Variants in TDRD1 observed in about 807,000 individuals in gnomAD.
The protein encoded by TDRD1 is tudor domain-containing protein 1.
Under a neutral mutation model 140.6 loss-of-function variants are expected in TDRD1, and 37 were observed. The ratio of observed to expected loss-of-function variants is 0.26; its 90% CI spans 0.20 to 0.35. TDRD1 has a LOEUF of 0.35. Among genes scored for constraint, TDRD1 ranks in the 10% least tolerant of loss-of-function variants. TDRD1 has a pLI of 1.00. For missense variants in TDRD1, 1,243 were observed against 1,393.0 expected (o/e 0.89, Z 1.71); for synonymous variants, 506 against 475.7 (o/e 1.06, Z -0.83).
chr10:114,177,094 A>G (rs2032708880), upstream of TDRD1, among the ~76,000 whole-genome samples: 1 of 152,216 alleles, frequency 6.6e-6, no homozygotes, highest in African/African-American at 2.4e-5. Context: ...AATAAGAAAA[A>G]AAAAGTATAA....
intron 10 of TDRD1, among the ~76,000 whole-genome samples, chr10:114,205,757 G>A (rs2035058945): frequency 6.6e-6 from 1 of 152,072 alleles, no homozygotes; most frequent in South Asian, 2.1e-4. Context: ...TGGTTAATGG[G>A]TACAAAACAA....
At chr10:114,189,786 T>C (rs2033823961) in intron 2 of TDRD1, among the ~76,000 whole-genome samples, 1 of 152,196 alleles carries the variant, frequency 6.6e-6, no homozygotes, top group Non-Finnish European at 1.5e-5. Flanking sequence ...TATTGCATAA[T>C]GAAATGTGTC....
intron 3 of TDRD1, among the ~76,000 whole-genome samples, chr10:114,193,703 C>G (rs1234819480): frequency 2.6e-5 from 4 of 152,118 alleles, no homozygotes; most frequent in Non-Finnish European, 5.9e-5. Context: ...CCTTTGATTT[C>G]CTTTCTTGCT....
At chr10:114,220,786 C>G (rs776472520) in exon 19 of TDRD1, 1 of 1,611,490 alleles carries the variant, frequency 6.2e-7, no homozygotes, top group Non-Finnish European at 8.5e-7. Flanking sequence ...TAAAGACTTA[C>G]CAAATGACAG....
intron 11 of TDRD1, among the ~76,000 whole-genome samples, chr10:114,208,098 G>A (rs2035245948): frequency 6.6e-6 from 1 of 152,104 alleles, no homozygotes; most frequent in Admixed American, 6.6e-5. Flanking sequence ...TAGAGATAGG[G>A]AAAAAGCATG....
At chr10:114,198,086 G>A (rs536475143) in intron 3 of TDRD1, among the ~76,000 whole-genome samples, 1 of 152,146 alleles carries the variant, frequency 6.6e-6, no homozygotes, top group East Asian at 1.9e-4. Context: ...CAACTCGGGG[G>A]CTCTTTCTGT....
At chr10:114,175,146 T>G (rs1175939340), upstream of TDRD1, among the ~76,000 whole-genome samples, 1 of 152,140 alleles carries the variant, frequency 6.6e-6, no homozygotes. Context: ...TGAAGCACAT[T>G]TTGCAGTTAA....
At chr10:114,206,863 G>A (rs1361314589) in intron 11 of TDRD1, among the ~76,000 whole-genome samples, 4 of 152,076 alleles carry the variant, frequency 2.6e-5, no homozygotes, top group Admixed American at 6.5e-5. Context: ...TGATTCGCCC[G>A]CCTCAGCCTC....
At chr10:114,189,623 ACT>A (rs1221279906) in intron 2 of TDRD1, among the ~76,000 whole-genome samples, 2 of 152,096 alleles carry the variant, frequency 1.3e-5, no homozygotes, top group African/African-American at 2.4e-5. Context: ...AGACAGTCTC[ACT>A]CTGTCACCCA....
intron 25 of TDRD1, among the ~76,000 whole-genome samples, chr10:114,229,610 G>T (rs1383507502): frequency 1.3e-4 from 19 of 145,278 alleles, no homozygotes; most frequent in Admixed American, 2.8e-4. Flanking sequence ...GTGCAATGGC[G>T]TGATCTCGGC....
intron 20 of TDRD1, 107 bp downstream of exon 20, chr10:114,221,583 GTTTT>G: frequency 9.0e-7 from 1 of 1,113,702 alleles, no homozygotes; most frequent in Non-Finnish European, 1.3e-6. Context: ...GAGGCTCACT[GTTTT>G]AAGGAAGAAC....
chr10:114,195,035 C>T (rs962676430), intron 3 of TDRD1, among the ~76,000 whole-genome samples: 4 of 151,578 alleles, frequency 2.6e-5, no homozygotes, highest in African/African-American at 9.7e-5. Flanking sequence ...GCTGGGATTA[C>T]AGGCATGAGT....
chr10:114,186,093 G>A (rs1432810219), intron 1 of TDRD1, among the ~76,000 whole-genome samples: 1 of 151,910 alleles, frequency 6.6e-6, no homozygotes, highest in Admixed American at 6.6e-5. Context: ...GATGTTTTCT[G>A]TACTTGAATT....
chr10:114,200,698 AT>A lies in TDRD1; in HGVS notation c.530-707del, dbSNP rs2034674080. 2.6e-5 allele frequency among the ~76,000 whole-genome samples: 4 copies of A among 151,684 alleles called. No individual in the cohort carries two copies. The South Asian group carries it at 8.3e-4, about 32-fold the overall frequency. On this transcript the variant is annotated intron_variant, in intron 4 of 25. Coordinates refer to ENST00000251864, the Ensembl canonical transcript of TDRD1. ...ACCACCACACTGGGCTTATTTTTGT[AT>A]TTTTGTAGAGACGGGGTTTCACCAT...
intron 1 of TDRD1, among the ~76,000 whole-genome samples, chr10:114,183,214 T>C (rs1242238687): frequency 6.6e-6 from 1 of 152,208 alleles, no homozygotes; most frequent in Non-Finnish European, 1.5e-5. Flanking sequence ...AGGACAGTGT[T>C]ATGAAAGACT....
intron 11 of TDRD1, among the ~76,000 whole-genome samples, chr10:114,206,611 GTTT>G (rs33936742): frequency 4.7e-5 from 5 of 105,984 alleles, no homozygotes; most frequent in African/African-American, 7.1e-5. Flanking sequence ...GTTAGGGTTT[GTTT>G]TTTTTTTTTT....
At chr10:114,213,442 A>G (rs2035614488) in exon 15 of TDRD1, 2 of 1,614,006 alleles carry the variant, frequency 1.2e-6, no homozygotes, top group South Asian at 1.1e-5. Context: ...GTGGTGGACA[A>G]GTTGGAAAAC....
intron 19 of TDRD1, 132 bp downstream of exon 19, chr10:114,220,975 A>G: frequency 6.5e-6 from 4 of 614,852 alleles, no homozygotes; most frequent in Non-Finnish European, 2.8e-6. Flanking sequence ...GTAGGTTAAT[A>G]TTGTATTATT....
At chr10:114,175,700 T>C (rs906600649), upstream of TDRD1, among the ~76,000 whole-genome samples, 1 of 152,150 alleles carries the variant, frequency 6.6e-6, no homozygotes, top group African/African-American at 2.4e-5. Flanking sequence ...AAAGCAAAGA[T>C]AACATGAACT....
Sources: allele counts gnomAD v4.1 joint callset (sites outside exome capture counted in the v4.1 genomes callset), GRCh38; gene constraint gnomAD v4.1.1; transcripts MANE v1.5; gene names NCBI Gene and HGNC (gene_info 2026-07-23, HGNC 2026-07-21).